Variants in UTRN observed in about 807,000 individuals in gnomAD.
UTRN encodes dystrophin-related protein 1.
Under a neutral mutation model 463.9 loss-of-function variants are expected in UTRN, and 283 were observed. The ratio of observed to expected loss-of-function variants is 0.61; its 90% CI spans 0.55 to 0.67. The LOEUF is 0.67. Among genes scored for constraint, UTRN ranks in the 30% least tolerant of loss-of-function variants. The pLI, the probability that UTRN is intolerant of heterozygous loss-of-function variation, is 0.00. For synonymous variants in UTRN, 1,442 were observed against 1,431.5 expected (o/e 1.01, Z -0.17); for missense variants, 3,922 against 4,084.3 (o/e 0.96, Z 1.08).
chr6:144,662,250 T>C (rs1158830474), intron 51 of UTRN, among the ~76,000 whole-genome samples: 1 of 152,188 alleles, frequency 6.6e-6, no homozygotes. Flanking sequence ...GTCTCATATA[T>C]TGAGATGTTG....
chr6:144,784,818 A>G (rs1562906849), intron 61 of UTRN, among the ~76,000 whole-genome samples: 1 of 152,232 alleles, frequency 6.6e-6, no homozygotes, highest in East Asian at 1.9e-4. Context: ...GAAAGACAGT[A>G]TCTTGAAATT....
At chr6:144,632,683 C>A (rs1453599937) in intron 51 of UTRN, among the ~76,000 whole-genome samples, 3 of 151,604 alleles carry the variant, frequency 2.0e-5, no homozygotes. Flanking sequence ...GTTAGAAATA[C>A]TGTGTAAGAA....
At chr6:144,690,908 G>C (rs552077283) in intron 52 of UTRN, among the ~76,000 whole-genome samples, 16 of 152,268 alleles carry the variant, frequency 1.1e-4, no homozygotes, top group Middle Eastern at 3.4e-3. Context: ...ACTGCAGCCT[G>C]CTGCTTCTTT....
Position 144,730,395 on chromosome 6 carries a change from C to T in UTRN, c.7848C>T (p.Val2616=). 1 of 1,612,090 alleles carries T rather than the reference C, an allele frequency of 6.2e-7. No individual in the cohort carries two copies. The highest frequency in any genetic ancestry group is 8.5e-7 in the Non-Finnish European group (1 of 1,178,966). Residue 2616 remains valine (V), a synonymous_variant, in exon 54 of 75, where the codon GTC becomes GTT. Coordinates refer to ENST00000367545, the MANE Select transcript of UTRN (RefSeq NM_007124.3). ...AGTTAAAGGAGAAAGAATATTCTGTCCTGAATGCTGTCGACCAGGCCCGAG... is the reference window on the plus strand; with the variant it reads ...AGTTAAAGGAGAAAGAATATTCTGTTCTGAATGCTGTCGACCAGGCCCGAG... The part of the protein sequence containing the change: ...RRELKEKEYS[V]LNAVDQARVF...
intron 66 of UTRN, among the ~76,000 whole-genome samples, chr6:144,823,721 A>G (rs945956478): frequency 1.2e-4 from 18 of 152,200 alleles, no homozygotes; most frequent in Admixed American, 2.0e-4. Flanking sequence ...GTTTGATTAA[A>G]GAATACTCCA....
At chr6:144,608,701 G>A (rs1178055332) in intron 51 of UTRN, among the ~76,000 whole-genome samples, 1 of 152,170 alleles carries the variant, frequency 6.6e-6, no homozygotes, top group Non-Finnish European at 1.5e-5. Context: ...AGGGAGATAT[G>A]TGAAGGACAT....
chr6:144,748,960 C>T (rs1345035914), intron 55 of UTRN, among the ~76,000 whole-genome samples: 1 of 151,966 alleles, frequency 6.6e-6, no homozygotes, highest in African/African-American at 2.4e-5. Context: ...CCAGGTTCCT[C>T]TCTACTCGGT....
At chr6:144,332,904 T>TTTTATTTATTTATTTA (rs200334669) in intron 2 of UTRN, among the ~76,000 whole-genome samples, 1 of 145,134 alleles carries the variant, frequency 6.9e-6, no homozygotes, top group Non-Finnish European at 1.5e-5. Flanking sequence ...GATATTAACC[T>TTTTATTTATTTATTTA]TTTATTTATT....
chr6:144,690,080 T>A (rs1240434105), intron 52 of UTRN, among the ~76,000 whole-genome samples: 4 of 39,750 alleles, frequency 1.0e-4, no homozygotes, highest in African/African-American at 5.2e-4. Flanking sequence ...TTCTGTTTTT[T>A]TTTTTTTTTT....
At chr6:144,813,008 T>A (rs925160923) in intron 65 of UTRN, among the ~76,000 whole-genome samples, 1 of 152,058 alleles carries the variant, frequency 6.6e-6, no homozygotes, top group Non-Finnish European at 1.5e-5. Flanking sequence ...TTTTTCACAG[T>A]GAGTCACTGT....
At chr6:144,603,714 A>C (rs2128637963) in intron 51 of UTRN, among the ~76,000 whole-genome samples, 1 of 152,342 alleles carries the variant, frequency 6.6e-6, no homozygotes, top group African/African-American at 2.4e-5. Context: ...TATTTCATGA[A>C]AAAAGTAGAC....
chr6:144,453,864 G>A lies in UTRN; in HGVS notation c.2279G>A (p.Gly760Glu), dbSNP rs374051083. 22 of 1,612,648 alleles carry A rather than the reference G, an allele frequency of 1.4e-5. No homozygotes were observed. In the African/African-American group the frequency reaches 2.7e-4, roughly 20 times the overall value. The change falls in exon 19 of 75, where the codon GGA (glycine) becomes GAA (glutamate). Residue 760 changes from glycine to glutamate, a missense_variant. Around this residue, in one of 3 missense-constraint regions of UTRN, gnomAD observed 2,349 missense variants for 2,303.8 expected, o/e 1.02. Transcript: ENST00000367545. ...GGACAAATCCTTGTGGAGCAAATGG[G>A]AAAAGGTAAGATCCTTGATTTTTTT... is the stretch of plus-strand genomic sequence containing the variant. Reference protein sequence around the residue: ...QTGQILVEQMGKEGLPTEEIK... With the variant: ...QTGQILVEQMEKEGLPTEEIK...
At chr6:144,670,545 T>G (rs2128678136) in intron 51 of UTRN, among the ~76,000 whole-genome samples, 1 of 152,260 alleles carries the variant, frequency 6.6e-6, no homozygotes, top group East Asian at 1.9e-4. Flanking sequence ...GCTGGATGCA[T>G]AGTTTGTGAA....
chr6:144,457,055 C>T (rs1788918860), intron 19 of UTRN, among the ~76,000 whole-genome samples: 1 of 152,116 alleles, frequency 6.6e-6, no homozygotes, highest in South Asian at 2.1e-4. Flanking sequence ...TCTAAGAACT[C>T]TGTGTTTTAT....
intron 2 of UTRN, among the ~76,000 whole-genome samples, chr6:144,326,578 C>T (rs1775987466): frequency 6.6e-6 from 1 of 152,132 alleles, no homozygotes; most frequent in South Asian, 2.1e-4. Context: ...GTATATTTAG[C>T]TCACTAGTAA....
intron 41 of UTRN, among the ~76,000 whole-genome samples, chr6:144,530,127 C>A (rs1796908722): frequency 6.6e-6 from 1 of 152,200 alleles, no homozygotes. Context: ...GCTCAGGCAG[C>A]CGTTATAAGA....
chr6:144,560,912 T>C (rs988899308), intron 50 of UTRN, among the ~76,000 whole-genome samples: 1 of 151,996 alleles, frequency 6.6e-6, no homozygotes, highest in African/African-American at 2.4e-5. Context: ...AGTTTTCTAA[T>C]GTTCAAAAAT....
intron 53 of UTRN, among the ~76,000 whole-genome samples, chr6:144,721,004 G>A (rs963395865): frequency 6.6e-6 from 1 of 151,804 alleles, no homozygotes; most frequent in African/African-American, 2.4e-5. Flanking sequence ...TTTTTATTTT[G>A]GTGGAAATCT....
At chr6:144,603,338 G>A (rs938284480) in intron 51 of UTRN, among the ~76,000 whole-genome samples, 10 of 152,106 alleles carry the variant, frequency 6.6e-5, no homozygotes, top group African/African-American at 2.2e-4. Context: ...TATACATTGC[G>A]AGGTGGCTTT....
Sources: gnomAD v4.1 joint callset for allele counts (sites outside exome capture counted in the v4.1 genomes callset) on GRCh38, gnomAD v4.1.1 for gene constraint, gnomAD v4.1.1 regional missense constraint, MANE v1.5 for transcripts, NCBI Gene and HGNC (gene_info 2026-07-23, HGNC 2026-07-21) for gene names.